FBXL7: variants seen among roughly 807,000 people sequenced by gnomAD.
FBXL7 encodes F-box/LRR-repeat protein 7.
A neutral mutation model predicts 38.3 loss-of-function variants in FBXL7; 12 were observed. The observed-to-expected ratio is 0.31, with a 90% CI of 0.20 to 0.51. FBXL7 has a LOEUF of 0.51. Ranked by LOEUF, FBXL7 falls within the 20% of genes least tolerant of loss-of-function variation. The pLI is 0.98. For synonymous variants in FBXL7, 297 were observed against 300.9 expected (o/e 0.99, Z 0.13); for missense variants, 567 against 676.4 (o/e 0.84, Z 1.79).
intron 2 of FBXL7, among the ~76,000 whole-genome samples, chr5:15,658,628 C>A (rs1331691992): frequency 6.6e-6 from 1 of 152,106 alleles, no homozygotes; most frequent in Admixed American, 6.5e-5. Context: ...TGAGCAACTC[C>A]TGTCCTTTTT....
intron 2 of FBXL7, among the ~76,000 whole-genome samples, chr5:15,834,161 G>A (rs1579504313): frequency 6.6e-6 from 1 of 152,168 alleles, no homozygotes; most frequent in African/African-American, 2.4e-5. Flanking sequence ...CAAACAGAGG[G>A]CAGCATGTCA....
rs546731878 is a variant in FBXL7 at position 15,753,344 on chromosome 5, C to T, written c.127+137272C>T. The stretch of plus-strand genomic sequence containing the variant: ...AGGACGATCAAGGGGAATATTTGAC[C>T]TCTACTTTAGATGATCTACATTTTT... On this transcript the variant is annotated intron_variant, in intron 2 of 3. Coordinates refer to ENST00000504595, the MANE Select transcript of FBXL7 (RefSeq NM_012304.5). Among the ~76,000 whole-genome samples, 12 of 152,268 alleles carry T rather than the reference C, an allele frequency of 7.9e-5. No individual in the cohort carries two copies. In the East Asian group the frequency reaches 9.7e-4, roughly 12 times the overall value.
intron 1 of FBXL7, among the ~76,000 whole-genome samples, chr5:15,567,421 G>A (rs1010834292): frequency 2.0e-5 from 3 of 151,490 alleles, no homozygotes; most frequent in Middle Eastern, 3.4e-3. Flanking sequence ...TTGAAATTTT[G>A]CGTTTCTCTC....
At chr5:15,703,827 A>C (rs141067807) in intron 2 of FBXL7, among the ~76,000 whole-genome samples, 1 of 152,318 alleles carries the variant, frequency 6.6e-6, no homozygotes, top group East Asian at 1.9e-4. Context: ...TAATGACCTT[A>C]CTTTAGCTGA....
chr5:15,820,311 T>C (rs889636713), intron 2 of FBXL7, among the ~76,000 whole-genome samples: 5 of 152,088 alleles, frequency 3.3e-5, no homozygotes, highest in East Asian at 1.9e-4. Context: ...GGCACTGTCA[T>C]TGGGAGGGAC....
chr5:15,784,694 T>TAAC (rs1435625501), intron 2 of FBXL7, among the ~76,000 whole-genome samples: 1 of 152,040 alleles, frequency 6.6e-6, no homozygotes, highest in African/African-American at 2.4e-5. Context: ...TCTCACCATG[T>TAAC]AACATGCCAG....
At chr5:15,648,817 AC>A (rs1294469620) in intron 2 of FBXL7, among the ~76,000 whole-genome samples, 1 of 152,052 alleles carries the variant, frequency 6.6e-6, no homozygotes, top group African/African-American at 2.4e-5. Context: ...TGGAGAAGTG[AC>A]CACTTGAACT....
In FBXL7 at chr5:15,842,867, T is replaced by C. The variant is rs1738786606; in HGVS notation, c.128-85023T>C. On this transcript the variant is annotated intron_variant, in intron 2 of 3. Transcript: ENST00000504595. ...GAGTCAATTAAATCTCCTTTCTTTA[T>C]AAATTTAAATTACCCAGTCTTGATT... Among the ~76,000 whole-genome samples, 5 of 152,334 alleles carry C rather than the reference T, an allele frequency of 3.3e-5. No individual in the cohort carries two copies. The South Asian group carries it at 1.0e-3, about 32-fold the overall frequency.
chr5:15,576,903 G>A lies in FBXL7; in HGVS notation c.38-39080G>A, dbSNP rs533164982. 2.0e-5 allele frequency among the ~76,000 whole-genome samples: 3 copies of A among 152,254 alleles called. No homozygotes were observed. In the East Asian group the frequency reaches 5.8e-4, roughly 29 times the overall value. On this transcript the variant is annotated intron_variant, in intron 1 of 3. Transcript: ENST00000504595. ...TTTTGTAGCTGCTCTAAGAGAGGAGGCATTTTCTGATCATCTTTGTATCCT... is the reference window on the plus strand; with the variant it reads ...TTTTGTAGCTGCTCTAAGAGAGGAGACATTTTCTGATCATCTTTGTATCCT...
chr5:15,799,232 T>A (rs1211625617), intron 2 of FBXL7, among the ~76,000 whole-genome samples: 1 of 152,162 alleles, frequency 6.6e-6, no homozygotes, highest in Admixed American at 6.5e-5. Flanking sequence ...TCTAGAGTTC[T>A]GTGGATAGAC....
chr5:15,635,911 GC>G (rs1395009950), intron 2 of FBXL7, among the ~76,000 whole-genome samples: 15 of 131,350 alleles, frequency 1.1e-4, no homozygotes, highest in African/African-American at 3.7e-4. Context: ...CCCATTTTTA[GC>G]CTTTTTTTTT....
chr5:15,695,594 A>G (rs1393371404), intron 2 of FBXL7, among the ~76,000 whole-genome samples: 1 of 152,192 alleles, frequency 6.6e-6, no homozygotes, highest in Non-Finnish European at 1.5e-5. Context: ...GTAATTTCTT[A>G]GTGATTAGTC....
chr5:15,632,791 A>C (rs1353938021), intron 2 of FBXL7, among the ~76,000 whole-genome samples: 1 of 152,212 alleles, frequency 6.6e-6, no homozygotes, highest in Non-Finnish European at 1.5e-5. Flanking sequence ...ACTGTGTGTT[A>C]TCATTAGTGG....
intron 2 of FBXL7, among the ~76,000 whole-genome samples, chr5:15,922,636 A>G (rs1741774056): frequency 1.3e-5 from 2 of 152,194 alleles, no homozygotes; most frequent in African/African-American, 4.8e-5. Flanking sequence ...TTGACCATGT[A>G]TATTTCACTG....
chr5:15,602,609 A>G (rs1223507113), intron 1 of FBXL7, among the ~76,000 whole-genome samples: 14 of 152,020 alleles, frequency 9.2e-5, no homozygotes, highest in Admixed American at 9.2e-4. Flanking sequence ...TTTATTACCA[A>G]TGTTTAAAAA....
intron 2 of FBXL7, among the ~76,000 whole-genome samples, chr5:15,748,205 G>T (rs1736063967): frequency 6.6e-6 from 1 of 152,190 alleles, no homozygotes; most frequent in Non-Finnish European, 1.5e-5. Context: ...TTAACATCCT[G>T]CAATGCACAG....
intron 2 of FBXL7, among the ~76,000 whole-genome samples, chr5:15,829,849 G>T (rs73058233): frequency 6.6e-6 from 1 of 152,122 alleles, no homozygotes; most frequent in Non-Finnish European, 1.5e-5. Context: ...GTGACACTTG[G>T]ATATTTCCTT....
intron 2 of FBXL7, among the ~76,000 whole-genome samples, chr5:15,749,918 T>A (rs1579432016): frequency 1.3e-5 from 2 of 152,318 alleles, no homozygotes; most frequent in East Asian, 3.9e-4. Flanking sequence ...CTGAGCTGTA[T>A]ACTTGCAGGT....
intron 2 of FBXL7, among the ~76,000 whole-genome samples, chr5:15,724,386 G>T (rs957176619): frequency 6.6e-6 from 1 of 152,114 alleles, no homozygotes; most frequent in African/African-American, 2.4e-5. Flanking sequence ...AATTTTGTAT[G>T]TATAGCATGA....
Sources: allele counts gnomAD v4.1 joint callset (sites outside exome capture counted in the v4.1 genomes callset), GRCh38; gene constraint gnomAD v4.1.1; transcripts MANE v1.5; gene names NCBI Gene and HGNC (gene_info 2026-07-23, HGNC 2026-07-21).